Variants in SHQ1 observed in about 807,000 individuals in gnomAD.
The protein encoded by SHQ1 is SHQ1, H/ACA ribonucleoprotein assembly factor, also known as protein SHQ1 homolog.
SHQ1 carries 49 observed loss-of-function variants against 53.8 expected under a neutral mutation model. The observed-to-expected ratio is 0.91, with a 90% CI of 0.72 to 1.16. The LOEUF is 1.16. SHQ1 is among the 50% of genes most tolerant of loss of function. The pLI is 0.00. For synonymous variants in SHQ1, 243 were observed against 251.0 expected (o/e 0.97, Z 0.30); for missense variants, 738 against 683.1 (o/e 1.08, Z -0.90).
At chr3:72,786,047 G>T (rs1706222649) in intron 10 of SHQ1, among the ~76,000 whole-genome samples, 1 of 152,092 alleles carries the variant, frequency 6.6e-6, no homozygotes, top group South Asian at 2.1e-4. Flanking sequence ...AGCCCAGTTA[G>T]ATGCCCAAGT....
At chr3:72,801,811 T>C (rs1706798328) in intron 9 of SHQ1, among the ~76,000 whole-genome samples, 1 of 152,252 alleles carries the variant, frequency 6.6e-6, no homozygotes, top group African/African-American at 2.4e-5. Context: ...AAAGGATGCA[T>C]GAAAATTTTG....
chr3:72,755,311 GATGA>G (rs911007238), intron 10 of SHQ1, among the ~76,000 whole-genome samples: 7 of 152,202 alleles, frequency 4.6e-5, no homozygotes, highest in Admixed American at 3.9e-4. Context: ...TAGATGGATG[GATGA>G]TAGATAGATA....
chr3:72,791,463 T>C (rs1455621447), intron 10 of SHQ1, among the ~76,000 whole-genome samples: 1 of 152,212 alleles, frequency 6.6e-6, no homozygotes, highest in Non-Finnish European at 1.5e-5. Flanking sequence ...ACAACAGGTA[T>C]AGCCTCAAGT....
At chr3:72,828,802 G>T (rs1370130013) in intron 5 of SHQ1, among the ~76,000 whole-genome samples, 1 of 152,170 alleles carries the variant, frequency 6.6e-6, no homozygotes, top group African/African-American at 2.4e-5. Context: ...AAGCTACAGA[G>T]GTAGGCAGGG....
In SHQ1 at chr3:72,833,444, TGATAGATAGATAGATAGATA is replaced by T. The variant is rs56202141; in HGVS notation, c.487-983_487-964del. On this transcript the variant is annotated intron_variant, in intron 4 of 10. Transcript: ENST00000325599. ...CGACAGAGCCAGACTCTATCAGAGA[TGATAGATAGATAGATAGATA>T]GATAGATAGATAGATAGATAGATAG... Among the ~76,000 whole-genome samples, 954 of 140,564 alleles carry T rather than the reference TGATAGATAGATAGATAGATA, an allele frequency of 6.8e-3. 8 individuals carry two copies. Among genetic ancestry groups the T allele is most frequent in the African/African-American group, 0.022 (841 of 37,746 alleles). The allele number at this position is 140,564 out of a possible 152,430, so 92.2% of individuals were successfully genotyped here. A position where few individuals can be genotyped will look rare whatever the true frequency, so the allele number is the denominator to read the frequency against.
intron 1 of SHQ1, among the ~76,000 whole-genome samples, chr3:72,845,165 T>G (rs540085626): frequency 9.9e-5 from 15 of 152,086 alleles, no homozygotes; most frequent in Non-Finnish European, 2.2e-4. Flanking sequence ...TATGTAGGGA[T>G]TTACCCCTCT....
intron 10 of SHQ1, chr3:72,753,084 A>G (rs1337789223): frequency 8.1e-6 from 8 of 985,344 alleles, no homozygotes; most frequent in Middle Eastern, 5.2e-4. Context: ...AAGAACCAAC[A>G]TGACACAAAC....
the SHQ1 span, among the ~76,000 whole-genome samples, chr3:72,734,159 C>CA: frequency 1.3e-5 from 2 of 150,970 alleles, 1 homozygote. Context: ...GACTCTGTCT[C>CA]AAAAAACAAA....
the SHQ1 span, among the ~76,000 whole-genome samples, chr3:72,735,607 G>T: frequency 7.0e-6 from 1 of 143,420 alleles, no homozygotes; most frequent in East Asian, 2.0e-4. Flanking sequence ...ACCAAGGGGA[G>T]AAATCCAAGG....
rs146466651 is a variant in SHQ1 at position 72,786,182 on chromosome 3, C to G, written c.1181+6734G>C. On this transcript the variant is annotated intron_variant, in intron 10 of 10. Transcript: ENST00000325599. ...TAGTCTCCTTCCCCATTCTCACTCA[C>G]CTGGCTCAGGCTATTTTTCCTGGAT... is the stretch of plus-strand genomic sequence containing the variant. Among the ~76,000 whole-genome samples the G allele has an allele frequency of 1.2e-4, 18 of 152,296 alleles. 1 individual carries two copies. Among genetic ancestry groups the G allele is most frequent in the Admixed American group, 3.3e-4 (5 of 15,300 alleles).
At chr3:72,760,153 A>T (rs181994398) in intron 10 of SHQ1, among the ~76,000 whole-genome samples, 206 of 152,306 alleles carry the variant, frequency 1.4e-3, no homozygotes, top group African/African-American at 4.7e-3. Context: ...TATCACTTCC[A>T]ATGTTTTCGT....
chr3:72,738,125 T>C, the SHQ1 span, among the ~76,000 whole-genome samples: 3 of 152,072 alleles, frequency 2.0e-5, no homozygotes, highest in Admixed American at 2.0e-4. Context: ...CTCATCCAAC[T>C]CCTGTTCATC....
intron 10 of SHQ1, among the ~76,000 whole-genome samples, chr3:72,783,940 A>T (rs182876928): frequency 2.0e-5 from 3 of 152,296 alleles, no homozygotes; most frequent in Admixed American, 2.0e-4. Flanking sequence ...GAGAAAAAGG[A>T]CATTAGGTAA....
the SHQ1 span, among the ~76,000 whole-genome samples, chr3:72,734,112 A>G: frequency 2.6e-5 from 4 of 151,268 alleles, no homozygotes; most frequent in East Asian, 7.8e-4. Context: ...GTGAGCCGAG[A>G]TCTTGCCACT....
At position 72,772,534 on chromosome 3, in the gene SHQ1, C is replaced by T. The variant is rs192093057; in HGVS notation, c.1181+20382G>A. ...AGTGATATGACAAGTCGTACACAAC[C>T]TAAGCTTTAGAGCATGGGAAGATTG... On this transcript the variant is annotated intron_variant, in intron 10 of 10. Coordinates refer to ENST00000325599, the MANE Select transcript of SHQ1 (RefSeq NM_018130.3). The T allele has an allele frequency of 9.1e-4, 593 of 655,018 alleles. 2 individuals carry two copies. Among genetic ancestry groups the T allele is most frequent in the Non-Finnish European group, 1.4e-3 (492 of 345,112 alleles). 40.6% of individuals were successfully genotyped at this position (655,018 alleles called of 1,614,324 possible).
chr3:72,748,686 A>G (rs979439171), downstream of SHQ1, among the ~76,000 whole-genome samples: 8 of 150,174 alleles, frequency 5.3e-5, no homozygotes, highest in Admixed American at 3.9e-4. Context: ...GTGAGATTCC[A>G]GCTCAAACAA....
intron 9 of SHQ1, among the ~76,000 whole-genome samples, chr3:72,807,543 T>C (rs1186814814): frequency 6.6e-6 from 1 of 152,216 alleles, no homozygotes; most frequent in Non-Finnish European, 1.5e-5. Flanking sequence ...TGATTTCATC[T>C]TTTAGTTTTC....
chr3:72,790,284 C>A (rs1000587327), intron 10 of SHQ1, among the ~76,000 whole-genome samples: 2 of 152,128 alleles, frequency 1.3e-5, no homozygotes, highest in African/African-American at 4.8e-5. Flanking sequence ...ATAACTTCAT[C>A]GATTCAATGT....
the SHQ1 span, among the ~76,000 whole-genome samples, chr3:72,741,094 C>T: frequency 6.6e-6 from 1 of 152,124 alleles, no homozygotes; most frequent in Admixed American, 6.6e-5. Context: ...AGTATTGGTA[C>T]TTTTGAAAAG....
Sources: allele counts gnomAD v4.1 joint callset (sites outside exome capture counted in the v4.1 genomes callset), GRCh38; gene constraint gnomAD v4.1.1; transcripts MANE v1.5; gene names NCBI Gene and HGNC (gene_info 2026-07-23, HGNC 2026-07-21).